Variants in ANKS1B observed in about 807,000 individuals in gnomAD.
The protein encoded by ANKS1B is ankyrin repeat and sterile alpha motif domain containing 1B, also known as ankyrin repeat and sterile alpha motif domain-containing protein 1B.
A neutral mutation model predicts 148.3 loss-of-function variants in ANKS1B; 36 were observed. The observed-to-expected ratio is 0.24, with a 90% CI of 0.19 to 0.32. The LOEUF (loss-of-function observed/expected upper bound fraction) is 0.32. Ranked by LOEUF, ANKS1B falls within the 10% of genes least tolerant of loss-of-function variation. ANKS1B has a pLI of 1.00. For missense variants in ANKS1B, 1,157 were observed against 1,542.6 expected (o/e 0.75, Z 4.19); for synonymous variants, 542 against 560.8 (o/e 0.97, Z 0.47).
intron 15 of ANKS1B, among the ~76,000 whole-genome samples, chr12:99,142,275 C>G (rs2071145519): frequency 6.6e-6 from 1 of 151,354 alleles, no homozygotes. Context: ...TAAACAGGGA[C>G]TAGTAAAAGT....
At chr12:99,140,209 C>G (rs1194763954) in intron 15 of ANKS1B, among the ~76,000 whole-genome samples, 2 of 152,162 alleles carry the variant, frequency 1.3e-5, no homozygotes, top group Non-Finnish European at 2.9e-5. Flanking sequence ...CTGCGAACAA[C>G]CTGCACTACT....
At chr12:99,708,923 T>C (rs553739166) in intron 8 of ANKS1B, among the ~76,000 whole-genome samples, 14 of 152,158 alleles carry the variant, frequency 9.2e-5, no homozygotes, top group Non-Finnish European at 1.3e-4. Flanking sequence ...TCGTCTGTGG[T>C]AAAGAGTTTA....
chr12:98,906,720 A>G (rs1057355119), intron 17 of ANKS1B, among the ~76,000 whole-genome samples: 1 of 152,234 alleles, frequency 6.6e-6, no homozygotes, highest in Non-Finnish European at 1.5e-5. Flanking sequence ...TATTAATTAA[A>G]TACCTAGTAG....
At position 99,984,852 on chromosome 12, in the gene ANKS1B, C is replaced by A. The variant is rs2095754822; in HGVS notation, c.-615G>T. Among the ~76,000 whole-genome samples, 3 of 146,526 alleles carry A rather than the reference C, an allele frequency of 2.0e-5. No individual in the cohort carries two copies. In the South Asian group the frequency reaches 6.3e-4, roughly 31 times the overall value. The stretch of plus-strand genomic sequence containing the variant: ...CGCAGCGGGCGCGTGCCGAGGGCGG[C>A]GGCGGCGGCGAGGCCTGGCGCGCGG... On this transcript the variant is annotated 5_prime_UTR_variant, in exon 1 of 27. Transcript: ENST00000683438.
At chr12:99,669,397 T>C (rs980943624) in intron 8 of ANKS1B, among the ~76,000 whole-genome samples, 1 of 152,168 alleles carries the variant, frequency 6.6e-6, no homozygotes, top group Admixed American at 6.5e-5. Flanking sequence ...AGTAAAGTTA[T>C]CTGGAGATCA....
chr12:98,916,421 C>T (rs2099794532), intron 17 of ANKS1B, among the ~76,000 whole-genome samples: 2 of 152,208 alleles, frequency 1.3e-5, no homozygotes, highest in African/African-American at 2.4e-5. Flanking sequence ...GCAGTCTATC[C>T]AACACCCTCC....
chr12:99,451,521 G>A (rs1008549178), intron 10 of ANKS1B, among the ~76,000 whole-genome samples: 7 of 152,252 alleles, frequency 4.6e-5, no homozygotes, highest in East Asian at 1.9e-4. Context: ...TGGGAAGGGC[G>A]TTCCATGAGT....
At chr12:99,031,951 T>G in intron 17 of ANKS1B, among the ~76,000 whole-genome samples, 1 of 152,204 alleles carries the variant, frequency 6.6e-6, no homozygotes, top group East Asian at 1.9e-4. Context: ...TGGCCTCAAT[T>G]AAAAAATGAA....
chr12:99,265,737 G>C (rs916157010), intron 12 of ANKS1B, among the ~76,000 whole-genome samples: 1 of 152,124 alleles, frequency 6.6e-6, no homozygotes, highest in Admixed American at 6.6e-5. Context: ...GAGTAAGCAA[G>C]TCATGATCCT....
chr12:99,911,437 A>G (rs1216094574), intron 1 of ANKS1B, among the ~76,000 whole-genome samples: 1 of 152,234 alleles, frequency 6.6e-6, no homozygotes, highest in African/African-American at 2.4e-5. Flanking sequence ...TTGTCCAAGA[A>G]AAACTTACTT....
chr12:98,980,804 T>C (rs1483136338), intron 17 of ANKS1B, among the ~76,000 whole-genome samples: 2 of 152,168 alleles, frequency 1.3e-5, no homozygotes, highest in African/African-American at 2.4e-5. Flanking sequence ...CTCCAGTCTC[T>C]GTCTTCTGAG....
chr12:99,126,766 G>C (rs1007505052), intron 15 of ANKS1B, among the ~76,000 whole-genome samples: 1 of 152,148 alleles, frequency 6.6e-6, no homozygotes, highest in Non-Finnish European at 1.5e-5. Flanking sequence ...AATGATCTGT[G>C]CCTTGATTTC....
chr12:99,058,496 G>C (rs905270825), intron 16 of ANKS1B, among the ~76,000 whole-genome samples: 5 of 151,892 alleles, frequency 3.3e-5, no homozygotes, highest in African/African-American at 1.2e-4. Flanking sequence ...CGATCTGCCT[G>C]CCTCAACCTC....
At chr12:99,538,429 TTC>T (rs1423570051) in intron 9 of ANKS1B, among the ~76,000 whole-genome samples, 1 of 152,192 alleles carries the variant, frequency 6.6e-6, no homozygotes, top group Non-Finnish European at 1.5e-5. Context: ...CCTCTTCAAT[TTC>T]TGTGTCAATG....
At chr12:99,385,227 G>C (rs1224486540) in intron 12 of ANKS1B, among the ~76,000 whole-genome samples, 1 of 152,144 alleles carries the variant, frequency 6.6e-6, no homozygotes, top group Non-Finnish European at 1.5e-5. Context: ...GCACCACTTT[G>C]GGAGGCCGAG....
At position 99,144,956 on chromosome 12, in the gene ANKS1B, C is replaced by A. The variant is rs192729465; in HGVS notation, c.2526+9333G>T. Among the ~76,000 whole-genome samples the A allele has an allele frequency of 2.6e-5, 4 of 152,172 alleles. No homozygotes were observed. In the East Asian group the frequency reaches 7.7e-4, roughly 29 times the overall value. On this transcript the variant is annotated intron_variant, in intron 15 of 26. Coordinates refer to ENST00000683438, the MANE Select transcript of ANKS1B (RefSeq NM_001352186.2). ...AATAAATTTCTCTTGTTTCAGCCAC[C>A]TAGTTTGTGGTTCTTTGTTGTGGCA...
At chr12:99,186,753 C>T (rs948022122) in intron 14 of ANKS1B, among the ~76,000 whole-genome samples, 1 of 152,102 alleles carries the variant, frequency 6.6e-6, no homozygotes, top group Admixed American at 6.5e-5. Flanking sequence ...GTAGATAAAT[C>T]CATGAAGATG....
chr12:99,474,413 A>C (rs1173632019), intron 10 of ANKS1B, among the ~76,000 whole-genome samples: 2 of 152,142 alleles, frequency 1.3e-5, no homozygotes, highest in Non-Finnish European at 2.9e-5. Context: ...TTAAAATATA[A>C]AGAAGAAATT....
chr12:99,338,053 C>A (rs1338360108), intron 12 of ANKS1B, among the ~76,000 whole-genome samples: 1 of 152,126 alleles, frequency 6.6e-6, no homozygotes, highest in South Asian at 2.1e-4. Context: ...TCACTCAAGG[C>A]CCAAGTGTTC....
Sources: gnomAD v4.1 joint callset for allele counts (sites outside exome capture counted in the v4.1 genomes callset) on GRCh38, gnomAD v4.1.1 for gene constraint, MANE v1.5 for transcripts, NCBI Gene and HGNC (gene_info 2026-07-23, HGNC 2026-07-21) for gene names.